The following CACNA1A variants were observed in gnomAD, a reference collection of about 807,000 sequenced individuals.
The protein encoded by CACNA1A is calcium voltage-gated channel subunit alpha1 A.
CACNA1A carries 57 observed loss-of-function variants against 262.4 expected under a neutral mutation model. That is an observed-to-expected ratio of 0.22 (90% confidence interval 0.18 to 0.27). The LOEUF (loss-of-function observed/expected upper bound fraction) is 0.27, where lower values mean the gene tolerates loss of function less well. Ranked by LOEUF, CACNA1A falls within the 10% of genes least tolerant of loss-of-function variation. The pLI, the probability that CACNA1A is intolerant of heterozygous loss-of-function variation, is 1.00. For missense variants in CACNA1A, 2,526 were observed against 3,562.8 expected, an observed-to-expected ratio of 0.71 and a Z score of 7.41; for synonymous variants, 1,431 against 1,419.3, an observed-to-expected ratio of 1.01 and a Z score of -0.18.
intron 12 of CACNA1A, among the ~76,000 whole-genome samples, chr19:13,312,043 T>C (rs1318879273): frequency 6.6e-6 from 1 of 152,122 alleles, no homozygotes; most frequent in Non-Finnish European, 1.5e-5. Flanking sequence ...CTAGGATGAA[T>C]TCCTAGCAAT....
At chr19:13,276,585 C>T (rs141328305) in intron 23 of CACNA1A, among the ~76,000 whole-genome samples, 1 of 152,332 alleles carries the variant, frequency 6.6e-6, no homozygotes, top group Non-Finnish European at 1.5e-5. Context: ...CGCCCAGCCA[C>T]ACCAGCTTCC....
intron 1 of CACNA1A, among the ~76,000 whole-genome samples, chr19:13,487,772 T>G (rs1306554975): frequency 6.6e-6 from 1 of 152,034 alleles, no homozygotes; most frequent in Admixed American, 6.5e-5. Flanking sequence ...AGGCACTGCT[T>G]ACTATCAATC....
intron 37 of CACNA1A, chr19:13,225,064 C>A (rs569123118): frequency 4.0e-5 from 13 of 322,066 alleles, no homozygotes; most frequent in Admixed American, 3.8e-4. Flanking sequence ...TGCCCCACCC[C>A]CGCCCTGCCC....
chr19:13,247,774 G>A (rs578259461), intron 30 of CACNA1A, among the ~76,000 whole-genome samples: 6 of 151,774 alleles, frequency 4.0e-5, no homozygotes, highest in Non-Finnish European at 5.9e-5. Context: ...GGCACTTTTG[G>A]CATTTTGGCA....
intron 1 of CACNA1A, among the ~76,000 whole-genome samples, chr19:13,489,171 C>T (rs2145119127): frequency 6.6e-6 from 1 of 151,510 alleles, no homozygotes; most frequent in African/African-American, 2.4e-5. Flanking sequence ...ACCACCATGC[C>T]CAGCTAATTT....
chr19:13,403,792 CAAAA>C (rs897061492), intron 3 of CACNA1A, among the ~76,000 whole-genome samples: 4 of 150,698 alleles, frequency 2.7e-5, no homozygotes, highest in African/African-American at 9.7e-5. Context: ...AACAAACAAA[CAAAA>C]AAAAACTTTA....
intron 12 of CACNA1A, among the ~76,000 whole-genome samples, chr19:13,309,242 T>C (rs2145009101): frequency 6.6e-6 from 1 of 151,850 alleles, no homozygotes; most frequent in Non-Finnish European, 1.5e-5. Flanking sequence ...ACTCCTGACC[T>C]CGTGATCCGC....
At chr19:13,293,614 A>T (rs1396221719) in intron 19 of CACNA1A, among the ~76,000 whole-genome samples, 3 of 137,914 alleles carry the variant, frequency 2.2e-5, no homozygotes, top group Admixed American at 7.4e-5. Context: ...CGCCCGGCTA[A>T]TTTTTTTTTT....
chr19:13,212,241 A>T lies in CACNA1A; in HGVS notation c.6190-25T>A, dbSNP rs1372783331. 5.0e-6 allele frequency: 8 copies of T among 1,606,694 alleles called. No homozygotes were observed. Among genetic ancestry groups the T allele is most frequent in the Middle Eastern group, 1.6e-4 (1 of 6,076 alleles). ...ACTGCGGAGCAGATGGCAAAGCCAG[A>T]TGAGCTCTGGGGCCTGACCTCCAGA... On this transcript the variant is annotated intron_variant, in intron 42 of 46. Coordinates refer to ENST00000360228, the MANE Select transcript of CACNA1A (RefSeq NM_001127222.2). The surrounding 1 kb of genome is among the most constrained non-coding windows in gnomAD (Gnocchi z 5.6).
chr19:13,255,241 C>T lies in CACNA1A; in HGVS notation c.4609G>A (p.Ala1537Thr), dbSNP rs773209223. The change falls in exon 29 of 47, where the codon GCC becomes ACC. Residue 1537 changes from alanine to threonine, a missense_variant. This residue lies in a region of CACNA1A where 137 missense variants were observed against 377.7 expected (regional missense o/e 0.36). Transcript: ENST00000360228. ...EKNERACIDF[A>T]ISAKPLTRHM... The stretch of plus-strand genomic sequence containing the variant: ...CGGGTCAGCGGCTTGGCGCTGATGG[C>T]GAAATCAATGCAGGCCCTCTGCGGG... 8.7e-6 allele frequency: 14 copies of T among 1,601,272 alleles called. No homozygotes were observed. The highest frequency in any genetic ancestry group is 2.2e-5 in the East Asian group (1 of 44,518).
chr19:13,325,206 T>C (rs1346306572), intron 10 of CACNA1A, among the ~76,000 whole-genome samples: 3 of 150,222 alleles, frequency 2.0e-5, no homozygotes, highest in Non-Finnish European at 3.0e-5. Context: ...CTTTTTTTTT[T>C]TTTTAATACA....
At chr19:13,210,070 G>C (rs1413651401) in intron 44 of CACNA1A, among the ~76,000 whole-genome samples, 1 of 151,876 alleles carries the variant, frequency 6.6e-6, no homozygotes, top group Non-Finnish European at 1.5e-5. Flanking sequence ...AAGCTAGGGA[G>C]CTCTGGGTGG....
At chr19:13,378,279 T>C (rs1207791319) in intron 3 of CACNA1A, among the ~76,000 whole-genome samples, 2 of 152,318 alleles carry the variant, frequency 1.3e-5, no homozygotes, top group East Asian at 1.9e-4. Flanking sequence ...TGGATTCTAC[T>C]CCTGGTGAAA....
chr19:13,436,966 G>A (rs2060623241), intron 3 of CACNA1A, among the ~76,000 whole-genome samples: 1 of 152,234 alleles, frequency 6.6e-6, no homozygotes, highest in African/African-American at 2.4e-5. Flanking sequence ...CACAACAGGG[G>A]AACCTCTTTT....
chr19:13,240,783 A>G (rs984972246), intron 31 of CACNA1A, among the ~76,000 whole-genome samples: 1 of 148,774 alleles, frequency 6.7e-6, no homozygotes, highest in Non-Finnish European at 1.5e-5. Context: ...GTGTGTGCGC[A>G]GTGACTGAGT....
chr19:13,328,374 C>A (rs1462460455), intron 10 of CACNA1A, among the ~76,000 whole-genome samples: 1 of 152,064 alleles, frequency 6.6e-6, no homozygotes, highest in African/African-American at 2.4e-5. Context: ...CAAAGAAAAG[C>A]GTGTTTTGGC....
chr19:13,486,033 G>A lies in CACNA1A; in HGVS notation c.293+19899C>T, dbSNP rs374326316. ...CACAATGAGGATGAAATCTCACAAAGGTAACTGCAAACCAATGAAGCAAAA... is the reference window on the plus strand; with the variant it reads ...CACAATGAGGATGAAATCTCACAAAAGTAACTGCAAACCAATGAAGCAAAA... On this transcript the variant is annotated intron_variant, in intron 1 of 46. Transcript: ENST00000360228. Among the ~76,000 whole-genome samples the A allele has an allele frequency of 2.0e-5, 3 of 152,136 alleles. No homozygotes were observed. In the East Asian group the frequency reaches 5.8e-4, roughly 29 times the overall value.
chr19:13,428,694 C>G (rs1379621310), intron 3 of CACNA1A, among the ~76,000 whole-genome samples: 1 of 152,110 alleles, frequency 6.6e-6, no homozygotes, highest in African/African-American at 2.4e-5. Flanking sequence ...ATTTTCGCCA[C>G]GTCCACTGGG....
In CACNA1A at chr19:13,207,547, G is replaced by T; in HGVS notation, c.7287C>A (p.Ala2429=). 6.9e-7 allele frequency: 1 copy of T among 1,458,100 alleles called. No individual in the cohort carries two copies. Among genetic ancestry groups the T allele is most frequent in the Non-Finnish European group, 9.0e-7 (1 of 1,104,990 alleles). 90.3% of individuals were successfully genotyped at this position (1,458,100 alleles called of 1,614,324 possible). ...GTGGCGCGTCGTAGGCCCCGGCCAT[G>T]GCCTCCTCGCCGCCCCCGCTGCCCG... is the stretch of plus-strand genomic sequence containing the variant. ...DGPGSGGGEE[A]MAGAYDAPPP... Residue 2429 remains alanine (A), a synonymous_variant, in exon 47 of 47, where the codon GCC becomes GCA. Coordinates refer to ENST00000360228, the MANE Select transcript of CACNA1A (RefSeq NM_001127222.2). The surrounding 1 kb of genome is among the most constrained non-coding windows in gnomAD (Gnocchi z 5.7).
Sources: gnomAD v4.1 joint callset for allele counts (sites outside exome capture counted in the v4.1 genomes callset) on GRCh38, gnomAD v4.1.1 for gene constraint, gnomAD v4.1.1 regional missense constraint, Gnocchi (gnomAD v3.1) non-coding constraint, MANE v1.5 for transcripts, NCBI Gene and HGNC (gene_info 2026-07-23, HGNC 2026-07-21) for gene names.